Variants in TAOK2 observed in about 807,000 individuals in gnomAD.
The protein encoded by TAOK2 is TAO kinase 2.
TAOK2 carries 42 observed loss-of-function variants against 122.5 expected under a neutral mutation model. The observed-to-expected ratio is 0.34, with a 90% CI of 0.27 to 0.44. TAOK2 has a LOEUF of 0.44. Among genes scored for constraint, TAOK2 ranks in the 20% least tolerant of loss-of-function variants. The pLI is 1.00. For synonymous variants in TAOK2, 704 were observed against 677.6 expected (o/e 1.04, Z -0.61); for missense variants, 1,264 against 1,644.9 (o/e 0.77, Z 4.01).
At chr16:29,980,438 A>C (rs1468470618) in intron 8 of TAOK2, 2 of 152,286 alleles carry the variant, frequency 1.3e-5, no homozygotes, top group African/African-American at 4.8e-5. Flanking sequence ...TGGAGCCATG[A>C]GTGGCCCCCT....
chr16:29,977,547 G>A (rs568594694), intron 1 of TAOK2, among the ~76,000 whole-genome samples, 191 bp from the exon 2 acceptor site: 7 of 152,280 alleles, frequency 4.6e-5, no homozygotes, highest in African/African-American at 9.6e-5. Context: ...CCCAGCCCGC[G>A]TGATCTGGTT....
At chr16:29,990,505 T>G, downstream of TAOK2, 3 of 276,772 alleles carry the variant, frequency 1.1e-5, no homozygotes, top group East Asian at 6.2e-5. Context: ...GGCTGTACCA[T>G]AATTTATTTA....
At chr16:29,978,440 CG>C in intron 4 of TAOK2, 87 bp downstream of exon 4, 1 of 1,395,610 alleles carries the variant, frequency 7.2e-7, no homozygotes, top group Non-Finnish European at 1.0e-6. Context: ...GGTCCCTGTT[CG>C]TGGTGCTGTT....
intron 1 of TAOK2, among the ~76,000 whole-genome samples, chr16:29,976,507 A>G (rs949632751): frequency 6.6e-6 from 1 of 152,124 alleles, no homozygotes; most frequent in Non-Finnish European, 1.5e-5. Flanking sequence ...AGTAGCTAGA[A>G]CTCTGCCCCA....
In TAOK2 at chr16:29,977,798, G is replaced by A. The variant is rs1354458295; in HGVS notation, c.26G>A (p.Ser9Asn). The A allele has an allele frequency of 1.9e-6, 3 of 1,614,182 alleles. No homozygotes were observed. Among genetic ancestry groups the A allele is most frequent in the African/African-American group, 1.3e-5 (1 of 75,046 alleles). Residue 9 changes from serine to asparagine, a missense_variant, in exon 2 of 16, where the codon AGC becomes AAC. Ser to Asn is a conservative substitution (Grantham distance 46). Coordinates refer to ENST00000308893, the MANE Select transcript of TAOK2 (RefSeq NM_016151.4). Reference protein sequence around the residue: MPAGGRAGSLKDPDVAELF... With the variant: MPAGGRAGNLKDPDVAELF... ...ATGCCAGCTGGGGGCCGGGCCGGGA[G>A]CCTGAAGGACCCAGATGTGGCTGAG...
Position 29,987,303 on chromosome 16 carries a change from C to T in TAOK2, c.3031C>T (p.His1011Tyr). 1 of 1,526,964 alleles carries T rather than the reference C, an allele frequency of 6.5e-7. No individual in the cohort carries two copies. The highest frequency in any genetic ancestry group is 8.8e-7 in the Non-Finnish European group (1 of 1,140,156). The allele number at this position is 1,526,964 out of a possible 1,614,324, so 94.6% of individuals were successfully genotyped here. A position where few individuals can be genotyped will look rare whatever the true frequency, so the allele number is the denominator to read the frequency against. Residue 1011 changes from histidine to tyrosine, a missense_variant, in exon 16 of 16, where the codon CAC (histidine) becomes TAC (tyrosine). Transcript: ENST00000308893. ...CTACCTGCTCCTTTGTACAGCCCTG[C>T]ACCTGCCCTCCAGTCTTTTCCTACT... ...ASYLLLCTAL[H>Y]LPSSLFLLLA...
At chr16:29,989,851 T>C (rs770861823), downstream of TAOK2, 12 of 1,590,012 alleles carry the variant, frequency 7.5e-6, no homozygotes, top group South Asian at 1.0e-4. Context: ...GGCCAGGCTC[T>C]GTACTTTGCT....
intron 9 of TAOK2, 24 bp from the exon 10 acceptor site, chr16:29,981,835 C>T (rs1489253424): frequency 1.3e-6 from 2 of 1,593,886 alleles, no homozygotes; most frequent in Non-Finnish European, 8.6e-7. Flanking sequence ...CCCCACCCCT[C>T]TCCCACCCTC....
At position 29,986,996 on chromosome 16, in the gene TAOK2, G is replaced by A. The variant is rs969395411; in HGVS notation, c.2724G>A (p.Gly908=). The A allele has an allele frequency of 5.6e-6, 9 of 1,613,040 alleles. No homozygotes were observed. The Admixed American group carries it at 1.2e-4, about 21-fold the overall frequency. Reference sequence around the variant, plus strand: ...AGGAGGAGGAAGAAGAGGAAGAGGGGGCTCCGATTGGGACCCCTAGGGATC... The same window carrying A: ...AGGAGGAGGAAGAAGAGGAAGAGGGAGCTCCGATTGGGACCCCTAGGGATC... ...VPEEEEEEEE[G]APIGTPRDPG... Residue 908 remains glycine (G), a synonymous_variant, in exon 16 of 16, where the codon GGG becomes GGA. Coordinates refer to ENST00000308893, the MANE Select transcript of TAOK2 (RefSeq NM_016151.4). The surrounding 1 kb of genome is among the most constrained non-coding windows in gnomAD (Gnocchi z 4.2).
downstream of TAOK2, chr16:29,990,773 A>G (rs778083828): frequency 1.3e-6 from 2 of 1,598,312 alleles, no homozygotes; most frequent in Admixed American, 3.4e-5. Flanking sequence ...CTGGTTGTTC[A>G]TCTTCCCCAG....
downstream of TAOK2, chr16:29,992,174 G>C (rs1279922993): frequency 6.6e-6 from 1 of 151,832 alleles, no homozygotes; most frequent in East Asian, 1.9e-4. Flanking sequence ...CCCAGGCCTG[G>C]GGGGCAGTCG....
In TAOK2 at chr16:29,986,559, G is replaced by A. The variant is rs1177683377; in HGVS notation, c.2287G>A (p.Gly763Ser). The A allele has an allele frequency of 4.3e-6, 7 of 1,613,776 alleles. No individual in the cohort carries two copies. The highest frequency in any genetic ancestry group is 2.2e-5 in the South Asian group (2 of 91,006). Residue 763 changes from glycine to serine, a missense_variant, in exon 16 of 16, where the codon GGC (glycine) becomes AGC (serine). Physicochemically the swap from Gly to Ser is moderately conservative, Grantham distance 56. Around this residue, in one of 4 missense-constraint regions of TAOK2, gnomAD observed 824 missense variants for 908.7 expected, o/e 0.91. Transcript: ENST00000308893. The surrounding 1 kb of genome is among the most constrained non-coding windows in gnomAD (Gnocchi z 4.2). ...GLPLPIPGALGPPNTGTPIEQ... is the reference protein window; with the variant it reads ...GLPLPIPGALSPPNTGTPIEQ... Reference sequence around the variant, plus strand: ...TCCACTCCCCATTCCTGGGGCTCTGGGCCCACCCAACACAGGCACCCCTAT... The same window carrying A: ...TCCACTCCCCATTCCTGGGGCTCTGAGCCCACCCAACACAGGCACCCCTAT...
At chr16:29,981,053 C>T (rs1185065080) in intron 8 of TAOK2, 1 of 154,664 alleles carries the variant, frequency 6.5e-6, no homozygotes, top group Non-Finnish European at 1.4e-5. Context: ...CCGTTTAGGC[C>T]AAAACAACAT....
chr16:29,980,486 C>G (rs1030951893), intron 8 of TAOK2: 9 of 152,302 alleles, frequency 5.9e-5, no homozygotes, highest in African/African-American at 2.2e-4. Context: ...ATCCTTCCTC[C>G]CACCAACCTA....
chr16:29,974,657 C>T lies in TAOK2; in HGVS notation c.-36+9C>T, dbSNP rs1347137738. The T allele has an allele frequency of 6.6e-6, 1 of 152,552 alleles. No homozygotes were observed. The highest frequency in any genetic ancestry group is 1.5e-5 in the Non-Finnish European group (1 of 68,040). 9.4% of individuals were successfully genotyped at this position (152,552 alleles called of 1,614,324 possible). ...ATAGTGACCCCTACCAGGTGAGACA[C>T]GGGGTGCAGGGGCGCGGGTCCCTGT... is the stretch of plus-strand genomic sequence containing the variant. On this transcript the variant is annotated intron_variant, in intron 1 of 15. Transcript: ENST00000308893.
downstream of TAOK2, chr16:29,991,344 C>T (rs996512215): frequency 6.3e-7 from 1 of 1,597,988 alleles, no homozygotes. The surrounding 1 kb of genome is among the most constrained non-coding windows in gnomAD (Gnocchi z 5.6). Context: ...GCTGGCTCCC[C>T]CAGGCCCCCC....
chr16:29,985,382 A>G lies in TAOK2; in HGVS notation c.1592A>G (p.Gln531Arg), dbSNP rs1474933883. ...SARLQRELEA[Q>R]RAGFGAEAEK... ...CGGCTGCAGCGGGAGCTTGAGGCGCAGCGGGCTGGCTTTGGGGCAGAGGCA... is the reference window on the plus strand; with the variant it reads ...CGGCTGCAGCGGGAGCTTGAGGCGCGGCGGGCTGGCTTTGGGGCAGAGGCA... The change falls in exon 14 of 16, where the codon CAG (glutamine) becomes CGG (arginine). Residue 531 changes from glutamine to arginine, a missense_variant. Coordinates refer to ENST00000308893, the MANE Select transcript of TAOK2 (RefSeq NM_016151.4). The surrounding 1 kb of genome is among the most constrained non-coding windows in gnomAD (Gnocchi z 6.9). 1 of 1,610,106 alleles carries G rather than the reference A, an allele frequency of 6.2e-7. No homozygotes were observed. Among genetic ancestry groups the G allele is most frequent in the Non-Finnish European group, 8.5e-7 (1 of 1,178,038 alleles).
Position 29,979,407 on chromosome 16 carries a change from A to G in TAOK2, c.564-10A>G, listed in dbSNP as rs772979333. 8 of 1,596,734 alleles carry G rather than the reference A, an allele frequency of 5.0e-6. No individual in the cohort carries two copies. Among genetic ancestry groups the G allele is most frequent in the Middle Eastern group, 1.7e-4 (1 of 5,994 alleles). ...GGTGATTTGCCTCTCTCTCCTGACC[A>G]TTCTCCTAGGATGGCACCCGAGGTG... On this transcript the variant is annotated splice_polypyrimidine_tract_variant and intron_variant, in intron 7 of 15. Transcript: ENST00000308893. The surrounding 1 kb of genome is among the most constrained non-coding windows in gnomAD (Gnocchi z 4.1).
rs750279906 is a variant in TAOK2 at position 29,988,347 on chromosome 16, C to A, written c.*367C>A. 320 of 1,383,438 alleles carry A rather than the reference C, an allele frequency of 2.3e-4. 1 individual carries two copies. The highest frequency in any genetic ancestry group is 3.8e-4 in the Middle Eastern group (2 of 5,222). 85.7% of individuals were successfully genotyped at this position (1,383,438 alleles called of 1,614,324 possible). On this transcript the variant is annotated 3_prime_UTR_variant, in exon 16 of 16. Transcript: ENST00000308893. Reference sequence around the variant, plus strand: ...CCCTTCCAACCTGTCCCCTTCCCCCCACCAAAAAAAGAAAAAGACAAACAC... The same window carrying A: ...CCCTTCCAACCTGTCCCCTTCCCCCAACCAAAAAAAGAAAAAGACAAACAC...
Sources: allele counts gnomAD v4.1 joint callset (sites outside exome capture counted in the v4.1 genomes callset), GRCh38; gene constraint gnomAD v4.1.1; regional missense constraint gnomAD v4.1.1; non-coding constraint Gnocchi (gnomAD v3.1); transcripts MANE v1.5; gene names NCBI Gene and HGNC (gene_info 2026-07-23, HGNC 2026-07-21).